The following THSD7A variants were observed in gnomAD, a reference collection of about 807,000 sequenced individuals.
The protein encoded by THSD7A is thrombospondin type 1 domain containing 7A, also known as thrombospondin type-1 domain-containing protein 7A.
A neutral mutation model predicts 231.3 loss-of-function variants in THSD7A; 96 were observed. That is an observed-to-expected ratio of 0.41 (90% CI 0.35 to 0.49). THSD7A has a LOEUF of 0.49. Ranked by LOEUF, THSD7A falls within the 20% of genes least tolerant of loss-of-function variation. THSD7A has a pLI of 0.05. For synonymous variants in THSD7A, 940 were observed against 743.3 expected (o/e 1.26, Z -4.30); for missense variants, 2,290 against 2,070.2 (o/e 1.11, Z -2.06).
At chr7:11,709,633 A>G (rs573470008) in intron 1 of THSD7A, among the ~76,000 whole-genome samples, 1 of 151,040 alleles carries the variant, frequency 6.6e-6, no homozygotes, top group African/African-American at 2.4e-5. Flanking sequence ...TAACAGACAC[A>G]TATGTAGTCG....
chr7:11,770,136 C>G (rs989667241), intron 1 of THSD7A, among the ~76,000 whole-genome samples: 4 of 151,984 alleles, frequency 2.6e-5, no homozygotes, highest in African/African-American at 9.7e-5. Context: ...AACTTTTCAT[C>G]ATACATTTTT....
chr7:11,619,832 T>C, intron 2 of THSD7A, among the ~76,000 whole-genome samples: 1 of 152,184 alleles, frequency 6.6e-6, no homozygotes, highest in East Asian at 1.9e-4. Context: ...ATTTTATCTT[T>C]ATAATTGGTA....
chr7:11,456,287 C>G (rs1467882640), intron 11 of THSD7A, among the ~76,000 whole-genome samples: 3 of 151,842 alleles, frequency 2.0e-5, no homozygotes, highest in Non-Finnish European at 4.4e-5. Flanking sequence ...CTTCCATAGC[C>G]CATGTATTTT....
intron 1 of THSD7A, among the ~76,000 whole-genome samples, chr7:11,828,068 T>A (rs2355103): frequency 0.28 from 42,366 of 152,112 alleles, 6,937 homozygotes; most frequent in South Asian, 0.39. Flanking sequence ...AGTCAACGAC[T>A]CACGTCACTG....
At chr7:11,400,271 T>C (rs1292961308) in intron 23 of THSD7A, among the ~76,000 whole-genome samples, 1 of 151,926 alleles carries the variant, frequency 6.6e-6, no homozygotes, top group African/African-American at 2.4e-5. Context: ...GTAACAAACC[T>C]GCATGTTGTG....
At chr7:11,476,481 A>G (rs1786188013) in intron 7 of THSD7A, among the ~76,000 whole-genome samples, 1 of 152,038 alleles carries the variant, frequency 6.6e-6, no homozygotes, top group East Asian at 1.9e-4. Context: ...TTTTATGACA[A>G]TTTTTGTGTA....
rs914366615 is a variant in THSD7A, at chr7:11,627,617, A to G, written c.1022+8513T>C. ...CAAATTTTGATAATAACAGGTGAAC[A>G]GATCAGAATGGGAGATGTACATAAA... On this transcript the variant is annotated intron_variant, in intron 2 of 27. Transcript: ENST00000423059. 3.2e-4 allele frequency among the ~76,000 whole-genome samples: 48 copies of G among 152,324 alleles called. 1 individual carries two copies. The highest frequency in any genetic ancestry group is 7.9e-4 in the African/African-American group (33 of 41,580).
chr7:11,541,365 A>G, intron 6 of THSD7A, 54 bp downstream of exon 6: 2 of 1,540,952 alleles, frequency 1.3e-6, no homozygotes, highest in Non-Finnish European at 1.8e-6. Flanking sequence ...GAAAGTAAAA[A>G]CATATATGCA....
At chr7:11,707,036 T>C (rs114195706) in intron 1 of THSD7A, among the ~76,000 whole-genome samples, 1,543 of 150,844 alleles carry the variant, frequency 0.01, 31 homozygotes, top group African/African-American at 0.036. Flanking sequence ...CACAAAATAT[T>C]CAACTGGCTT....
At chr7:11,445,923 T>C (rs1036601279) in intron 13 of THSD7A, 138 bp downstream of exon 13, 159 of 1,054,338 alleles carry the variant, frequency 1.5e-4, no homozygotes, top group Middle Eastern at 2.1e-4. Context: ...ATAAATGATA[T>C]ATGTATAGTG....
intron 1 of THSD7A, among the ~76,000 whole-genome samples, chr7:11,753,199 ATTTG>A (rs1193363000): frequency 2.0e-5 from 3 of 152,112 alleles, no homozygotes; most frequent in East Asian, 1.9e-4. Flanking sequence ...TCTTTAATCA[ATTTG>A]TTTGTTTGAA....
chr7:11,754,547 C>T (rs759908982), intron 1 of THSD7A, among the ~76,000 whole-genome samples: 18 of 152,074 alleles, frequency 1.2e-4, no homozygotes, highest in Non-Finnish European at 2.5e-4. Flanking sequence ...AGATGGTCCC[C>T]TTGGAAAGCG....
At chr7:11,434,782 C>T (rs527917201) in intron 13 of THSD7A, among the ~76,000 whole-genome samples, 2 of 151,872 alleles carry the variant, frequency 1.3e-5, no homozygotes, top group South Asian at 4.2e-4. Flanking sequence ...AATCATTTTG[C>T]AAAAACTTTC....
intron 4 of THSD7A, among the ~76,000 whole-genome samples, chr7:11,576,081 T>C (rs1790889639): frequency 6.6e-6 from 1 of 152,194 alleles, no homozygotes; most frequent in African/African-American, 2.4e-5. Context: ...GAGCCAGAAG[T>C]TGTGGCCTAC....
intron 23 of THSD7A, among the ~76,000 whole-genome samples, chr7:11,387,907 T>A (rs936992965): frequency 2.0e-5 from 3 of 152,198 alleles, no homozygotes; most frequent in Non-Finnish European, 4.4e-5. Context: ...TATTGAGAAT[T>A]TTTAGCATGA....
At chr7:11,484,016 C>T (rs765989517) in intron 6 of THSD7A, among the ~76,000 whole-genome samples, 9 of 151,576 alleles carry the variant, frequency 5.9e-5, no homozygotes, top group African/African-American at 9.7e-5. Flanking sequence ...ACTCCCCCTG[C>T]CCCCCATCCG....
At chr7:11,820,713 T>C in intron 1 of THSD7A, 1 of 987,974 alleles carries the variant, frequency 1.0e-6, no homozygotes, top group Non-Finnish European at 1.6e-6. Flanking sequence ...CCCGTGGAGC[T>C]CTCCTCTCTT....
At chr7:11,734,710 C>T (rs936473380) in intron 1 of THSD7A, among the ~76,000 whole-genome samples, 8 of 151,880 alleles carry the variant, frequency 5.3e-5, no homozygotes, top group African/African-American at 1.7e-4. Context: ...AGAATGTAAA[C>T]ATCCTAAAGA....
chr7:11,474,145 G>A lies in THSD7A; in HGVS notation c.2252+189C>T, dbSNP rs1243319612. On this transcript the variant is annotated intron_variant, in intron 8 of 27. Coordinates refer to ENST00000423059, the MANE Select transcript of THSD7A (RefSeq NM_015204.3). This position sits in a 1 kb window ranked among gnomAD's most constrained non-coding sequence, Gnocchi z 4.1. Reference sequence around the variant, plus strand: ...TAGAAAGATTTCTACAGAATTTATGGTTCCCCAGTATAAAACTCAAAGCTG... The same window carrying A: ...TAGAAAGATTTCTACAGAATTTATGATTCCCCAGTATAAAACTCAAAGCTG... 1.3e-5 allele frequency among the ~76,000 whole-genome samples: 2 copies of A among 152,100 alleles called. No individual in the cohort carries two copies. Among genetic ancestry groups the A allele is most frequent in the Non-Finnish European group, 1.5e-5 (1 of 68,022 alleles).
Sources: allele counts gnomAD v4.1 joint callset (sites outside exome capture counted in the v4.1 genomes callset), GRCh38; gene constraint gnomAD v4.1.1; non-coding constraint Gnocchi (gnomAD v3.1); transcripts MANE v1.5; gene names NCBI Gene and HGNC (gene_info 2026-07-23, HGNC 2026-07-21).